The following KCTD2 variants were observed in gnomAD, a reference collection of about 807,000 sequenced individuals.
KCTD2 encodes the protein BTB/POZ domain-containing protein KCTD2.
Under a neutral mutation model 27.9 loss-of-function variants are expected in KCTD2, and 18 were observed. That is an observed-to-expected ratio of 0.64 (90% CI 0.45 to 0.96). The LOEUF is 0.96. Ranked by LOEUF, KCTD2 falls within the 40% of genes least tolerant of loss-of-function variation. The pLI, the probability that KCTD2 is intolerant of heterozygous loss-of-function variation, is 0.00. For missense variants in KCTD2, 280 were observed against 348.0 expected (o/e 0.80, Z 1.56); for synonymous variants, 175 against 148.4 (o/e 1.18, Z -1.30).
At chr17:75,050,810 T>A (rs961663068) in intron 2 of KCTD2, among the ~76,000 whole-genome samples, 2 of 152,054 alleles carry the variant, frequency 1.3e-5, no homozygotes, top group African/African-American at 4.8e-5. Context: ...ATTTTCAATG[T>A]TATTTTTGTC....
intron 3 of KCTD2, chr17:75,040,158 AT>A: frequency 6.2e-7 from 1 of 1,611,518 alleles, no homozygotes; most frequent in Non-Finnish European, 8.5e-7. Context: ...CCTTCAGCGC[AT>A]TAAACTACAA....
chr17:75,037,059 A>G (rs1034882210), intron 3 of KCTD2, among the ~76,000 whole-genome samples: 1 of 152,064 alleles, frequency 6.6e-6, no homozygotes, highest in Non-Finnish European at 1.5e-5. Context: ...CGCCTGCAAA[A>G]ATGGGCCAGG....
chr17:75,040,936 T>A (rs1366220358), intron 3 of KCTD2: 1 of 150,784 alleles, frequency 6.6e-6, no homozygotes, highest in Non-Finnish European at 1.5e-5. Flanking sequence ...CACTTAACAC[T>A]ACCTGGCACA....
At chr17:75,040,613 C>T (rs1023048284) in intron 3 of KCTD2, 25 of 159,436 alleles carry the variant, frequency 1.6e-4, no homozygotes, top group Non-Finnish European at 2.3e-4. Flanking sequence ...TAGCCGGGTG[C>T]GGTGGCTCAT....
chr17:75,059,305 C>T (rs2144939643), intron 3 of KCTD2: 1 of 391,210 alleles, frequency 2.6e-6, no homozygotes, highest in East Asian at 3.7e-5. Context: ...CTTGTGGTCA[C>T]TTAAAAAGAA....
At chr17:75,038,760 C>A in intron 3 of KCTD2, 1 of 721,574 alleles carries the variant, frequency 1.4e-6, no homozygotes, top group Non-Finnish European at 2.2e-6. Context: ...ACAAACCTGT[C>A]GAGGCTCACC....
chr17:75,056,515 C>T (rs192155774), intron 3 of KCTD2, among the ~76,000 whole-genome samples: 180 of 152,226 alleles, frequency 1.2e-3, no homozygotes, highest in African/African-American at 2.1e-3. Flanking sequence ...GTTTGATGAC[C>T]GCAATTAAAT....
intron 4 of KCTD2, 73 bp from the exon 5 acceptor site, chr17:75,062,047 G>C: frequency 6.4e-7 from 1 of 1,558,462 alleles, no homozygotes; most frequent in Non-Finnish European, 8.8e-7. Flanking sequence ...CGGAAGAGGG[G>C]TGATTTGTGT....
Position 75,033,256 on chromosome 17 carries a change from C to T in KCTD2, c.-470+532C>T, listed in dbSNP as rs922051934. 2.5e-4 allele frequency among the ~76,000 whole-genome samples: 38 copies of T among 152,082 alleles called. 1 individual carries two copies. Among genetic ancestry groups the T allele is most frequent in the Non-Finnish European group, 5.1e-4 (35 of 68,006 alleles). ...AGTGCTGGGATGCTGGGATTACAGG[C>T]GTGAGCCACCGCACCCGGTCTGTAG... is the stretch of plus-strand genomic sequence containing the variant. On this transcript the variant is annotated intron_variant, in intron 1 of 7. Transcript: ENST00000581589.
intron 4 of KCTD2, chr17:75,060,698 C>T (rs528316195): frequency 1.4e-5 from 17 of 1,200,626 alleles, no homozygotes; most frequent in South Asian, 1.6e-5. Context: ...CTCAGGGTCT[C>T]GGTCGCCGCC....
At chr17:75,037,917 C>T (rs1366437022) in intron 3 of KCTD2, among the ~76,000 whole-genome samples, 3 of 151,666 alleles carry the variant, frequency 2.0e-5, no homozygotes, top group Non-Finnish European at 4.4e-5. Flanking sequence ...GGCGTGATGG[C>T]GGGCACCTGT....
At chr17:75,042,059 C>CGCATCCTTCCTAAGCTTCCTT in intron 3 of KCTD2, 1 of 812,136 alleles carries the variant, frequency 1.2e-6, no homozygotes, top group Non-Finnish European at 1.9e-6. Context: ...TTTGGCCATA[C>CGCATCCTTCCTAAGCTTCCTT]GCATCCTTCC....
rs1308784707 is a variant in KCTD2, at chr17:75,032,735, G to A, written c.-470+11G>A. 1 of 150,398 alleles carries A rather than the reference G, an allele frequency of 6.6e-6. No individual in the cohort carries two copies. Among genetic ancestry groups the A allele is most frequent in the East Asian group, 2.0e-4 (1 of 5,002 alleles). The allele number at this position is 150,398 out of a possible 1,614,324, so 9.3% of individuals were successfully genotyped here. On this transcript the variant is annotated intron_variant, in intron 1 of 7. Transcript: ENST00000581589. This position sits in a 1 kb window ranked among gnomAD's most constrained non-coding sequence, Gnocchi z 4.8. ...GAACAGCTGAGCAAGGCAAGGCTGAGCCCCGGGCGGGCGGGTTGGGGGAAC... is the reference window on the plus strand; with the variant it reads ...GAACAGCTGAGCAAGGCAAGGCTGAACCCCGGGCGGGCGGGTTGGGGGAAC...
At position 75,040,140 on chromosome 17, in the gene KCTD2, C is replaced by T. The variant is rs532829560; in HGVS notation, c.-259+4783C>T. 61 of 1,611,836 alleles carry T rather than the reference C, an allele frequency of 3.8e-5. No individual in the cohort carries two copies. In the South Asian group the frequency reaches 6.6e-4, roughly 17 times the overall value. ...CCTGGGCAGTATATTTATCCTCTGGCACGGGAACCTTCAGCGCATTAAACT... is the reference window on the plus strand; with the variant it reads ...CCTGGGCAGTATATTTATCCTCTGGTACGGGAACCTTCAGCGCATTAAACT... On this transcript the variant is annotated intron_variant, in intron 3 of 7. Transcript: ENST00000581589.
upstream of KCTD2, among the ~76,000 whole-genome samples, chr17:75,043,707 A>G (rs975472263): frequency 1.3e-5 from 2 of 152,074 alleles, no homozygotes; most frequent in Non-Finnish European, 2.9e-5. Flanking sequence ...CATAAAAGTT[A>G]ATAAAGACAT....
upstream of KCTD2, among the ~76,000 whole-genome samples, chr17:75,046,483 C>A (rs1003901145): frequency 6.6e-6 from 1 of 152,214 alleles, no homozygotes; most frequent in Admixed American, 6.5e-5. Flanking sequence ...AATGAGTAAC[C>A]GAACTCTGCA....
intron 3 of KCTD2, chr17:75,039,176 A>G (rs1182488655): frequency 3.7e-6 from 6 of 1,613,614 alleles, no homozygotes; most frequent in Admixed American, 1.7e-5. Flanking sequence ...GAGAGAACCC[A>G]TATTATAGGC....
At chr17:75,036,503 C>A (rs1032362261) in intron 3 of KCTD2, among the ~76,000 whole-genome samples, 1 of 152,158 alleles carries the variant, frequency 6.6e-6, no homozygotes, top group Admixed American at 6.5e-5. Context: ...AATAAAAGTA[C>A]CCCCTTCCCA....
chr17:75,044,669 T>A (rs2073195272), upstream of KCTD2, among the ~76,000 whole-genome samples: 3 of 151,836 alleles, frequency 2.0e-5, no homozygotes, highest in South Asian at 6.2e-4. Context: ...TCAACACATG[T>A]GAAAATGTGA....
Sources: gnomAD v4.1 joint callset for allele counts (sites outside exome capture counted in the v4.1 genomes callset) on GRCh38, gnomAD v4.1.1 for gene constraint, Gnocchi (gnomAD v3.1) non-coding constraint, MANE v1.5 for transcripts, NCBI Gene and HGNC (gene_info 2026-07-23, HGNC 2026-07-21) for gene names.